The following THADA variants were observed in gnomAD, a reference collection of about 807,000 sequenced individuals.
THADA encodes the protein THADA armadillo repeat containing.
Under a neutral mutation model 219.8 loss-of-function variants are expected in THADA, and 213 were observed. The observed-to-expected ratio is 0.97, with a 90% confidence interval of 0.87 to 1.09. THADA has a LOEUF of 1.09. Among genes scored for constraint, THADA ranks in the 50% least tolerant of loss-of-function variants. The pLI is 0.00. For synonymous variants in THADA, 1,018 were observed against 828.9 expected (o/e 1.23, Z -3.92); for missense variants, 2,956 against 2,311.3 (o/e 1.28, Z -5.72).
intron 20 of THADA, among the ~76,000 whole-genome samples, chr2:43,548,950 G>A (rs956383151): frequency 6.6e-6 from 1 of 152,146 alleles, no homozygotes; most frequent in African/African-American, 2.4e-5. Flanking sequence ...GAAATCACCC[G>A]TCTTCTGCGT....
At position 43,552,045 on chromosome 2, in the gene THADA, AC is replaced by A. The variant is rs1370618105; in HGVS notation, c.2811-121del. 9 of 1,538,768 alleles carry A rather than the reference AC, an allele frequency of 5.8e-6. No individual in the cohort carries two copies. In the African/African-American group the frequency reaches 8.4e-5, roughly 14 times the overall value. ...TTGTTCAATACATAAAACATGTGAG[AC>A]ATAAAAATATACACAGATACGTATG... On this transcript the variant is annotated intron_variant, in intron 18 of 37. Transcript: ENST00000405975.
intron 22 of THADA, among the ~76,000 whole-genome samples, chr2:43,515,921 C>A (rs542878407): frequency 1.3e-5 from 2 of 152,066 alleles, no homozygotes; most frequent in Non-Finnish European, 2.9e-5. Flanking sequence ...AAACTAAACT[C>A]CTGATCTTCC....
At chr2:43,464,593 G>C (rs545137334) in intron 26 of THADA, among the ~76,000 whole-genome samples, 11 of 152,166 alleles carry the variant, frequency 7.2e-5, no homozygotes, top group Admixed American at 6.5e-4. Context: ...ATCACTCTCG[G>C]CAAAGGCTGT....
chr2:43,449,843 A>T (rs1415255184), intron 26 of THADA, among the ~76,000 whole-genome samples: 1 of 152,228 alleles, frequency 6.6e-6, no homozygotes, highest in Non-Finnish European at 1.5e-5. Flanking sequence ...TAAACTTTGG[A>T]GGCTAGAAGG....
chr2:43,554,347 A>G lies in THADA; in HGVS notation c.2674+1998T>C, dbSNP rs147661139. 1.2e-4 allele frequency among the ~76,000 whole-genome samples: 18 copies of G among 152,354 alleles called. No individual in the cohort carries two copies. The East Asian group carries it at 3.3e-3, about 28-fold the overall frequency. On this transcript the variant is annotated intron_variant, in intron 17 of 37. Coordinates refer to ENST00000405975, the MANE Select transcript of THADA (RefSeq NM_022065.5). ...CATGTACATGTCCAGTTATACCAGTATAACAGACATCTCCCCTCAACGCCT... is the reference window on the plus strand; with the variant it reads ...CATGTACATGTCCAGTTATACCAGTGTAACAGACATCTCCCCTCAACGCCT...
chr2:43,327,538 C>T (rs889244382), intron 30 of THADA, among the ~76,000 whole-genome samples: 10 of 152,134 alleles, frequency 6.6e-5, no homozygotes, highest in African/African-American at 2.4e-4. Context: ...AATTAGTCTA[C>T]AACATGTTTC....
chr2:43,272,797 A>G (rs1209883019), intron 36 of THADA, among the ~76,000 whole-genome samples: 1 of 151,458 alleles, frequency 6.6e-6, no homozygotes, highest in Non-Finnish European at 1.5e-5. Flanking sequence ...GCTAATTTTT[A>G]AATTTTTTTG....
At chr2:43,352,202 G>A (rs140566452) in intron 29 of THADA, among the ~76,000 whole-genome samples, 1 of 152,072 alleles carries the variant, frequency 6.6e-6, no homozygotes, top group South Asian at 2.1e-4. Flanking sequence ...TTCAACTACC[G>A]AGTTTTCTGA....
intron 26 of THADA, among the ~76,000 whole-genome samples, chr2:43,481,487 A>G (rs1307197664): frequency 6.6e-6 from 1 of 152,098 alleles, no homozygotes; most frequent in African/African-American, 2.4e-5. Flanking sequence ...ATGTACCCCA[A>G]ATCTACTCAT....
At chr2:43,509,602 T>C (rs1690131401) in intron 22 of THADA, among the ~76,000 whole-genome samples, 1 of 152,150 alleles carries the variant, frequency 6.6e-6, no homozygotes, top group Non-Finnish European at 1.5e-5. Flanking sequence ...ATAACTGATT[T>C]CCAATTTACA....
chr2:43,520,506 G>T (rs561976191), intron 22 of THADA, among the ~76,000 whole-genome samples: 8 of 151,926 alleles, frequency 5.3e-5, no homozygotes, highest in Non-Finnish European at 8.8e-5. Flanking sequence ...TGGGCAACAC[G>T]GCACAAGCCC....
At chr2:43,492,502 T>C (rs749000249) in intron 25 of THADA, among the ~76,000 whole-genome samples, 6 of 152,168 alleles carry the variant, frequency 3.9e-5, no homozygotes, top group Non-Finnish European at 8.8e-5. Flanking sequence ...CTATGTGCAA[T>C]TGCTATGTAA....
intron 15 of THADA, chr2:43,564,792 A>C (rs1698474580): frequency 6.6e-6 from 1 of 152,250 alleles, no homozygotes; most frequent in East Asian, 1.9e-4. Flanking sequence ...ACATTCCTGC[A>C]AAAATGTACA....
intron 13 of THADA, among the ~76,000 whole-genome samples, chr2:43,571,171 G>A (rs140771322): frequency 0.012 from 1,748 of 151,934 alleles, 38 homozygotes; most frequent in African/African-American, 0.04. Flanking sequence ...AGGAAGAATC[G>A]CTTGAGCCTG....
At chr2:43,418,803 C>T (rs1053071513) in intron 28 of THADA, among the ~76,000 whole-genome samples, 1 of 152,014 alleles carries the variant, frequency 6.6e-6, no homozygotes, top group Admixed American at 6.6e-5. Flanking sequence ...AAATAACGGC[C>T]AGAGAAGCCA....
chr2:43,360,980 T>G (rs910970763), intron 29 of THADA, among the ~76,000 whole-genome samples: 5 of 152,098 alleles, frequency 3.3e-5, no homozygotes, highest in African/African-American at 1.2e-4. Context: ...TCTACAACAT[T>G]TTTAGTTGTC....
intron 28 of THADA, among the ~76,000 whole-genome samples, chr2:43,401,633 G>C (rs906359253): frequency 6.6e-6 from 1 of 152,166 alleles, no homozygotes; most frequent in African/African-American, 2.4e-5. Flanking sequence ...TACAGCACTT[G>C]ACAGTTGATA....
At chr2:43,484,674 C>T (rs1686662125) in intron 26 of THADA, among the ~76,000 whole-genome samples, 1 of 152,010 alleles carries the variant, frequency 6.6e-6, no homozygotes, top group African/African-American at 2.4e-5. Context: ...AACAAAAAAG[C>T]TGTTTTTTAA....
Position 43,336,869 on chromosome 2 carries a change from C to G in THADA, c.4343+7253G>C, listed in dbSNP as rs540645613. ...AGCTCAGGTAACCTAATGAGAGACG[C>G]GGCTGGGCGGGGGCCGTGCAGAAGC... On this transcript the variant is annotated intron_variant, in intron 30 of 37. Coordinates refer to ENST00000405975, the MANE Select transcript of THADA (RefSeq NM_022065.5). 7.2e-5 allele frequency among the ~76,000 whole-genome samples: 11 copies of G among 152,260 alleles called. No homozygotes were observed. In the South Asian group the frequency reaches 2.3e-3, roughly 32 times the overall value.
Sources: allele counts gnomAD v4.1 joint callset (sites outside exome capture counted in the v4.1 genomes callset), GRCh38; gene constraint gnomAD v4.1.1; transcripts MANE v1.5; gene names NCBI Gene and HGNC (gene_info 2026-07-23, HGNC 2026-07-21).